Variants in CNTN5 observed in about 807,000 individuals in gnomAD.
CNTN5 encodes the protein contactin 5, also known as contactin-5.
CNTN5 carries 77 observed loss-of-function variants against 129.1 expected under a neutral mutation model. The observed-to-expected ratio is 0.60, with a 90% confidence interval of 0.50 to 0.72. CNTN5 has a LOEUF of 0.72. Among genes scored for constraint, CNTN5 ranks in the 30% least tolerant of loss-of-function variants. CNTN5 has a pLI of 0.00. For missense variants in CNTN5, 1,478 were observed against 1,328.8 expected (o/e 1.11, Z -1.75); for synonymous variants, 509 against 465.6 (o/e 1.09, Z -1.20).
chr11:99,844,296 T>C (rs1487616810), intron 4 of CNTN5, among the ~76,000 whole-genome samples: 1 of 152,182 alleles, frequency 6.6e-6, no homozygotes, highest in Non-Finnish European at 1.5e-5. Context: ...GCATGTCTTA[T>C]TTATTCCATG....
At chr11:99,118,060 G>A (rs1301501665) in intron 1 of CNTN5, among the ~76,000 whole-genome samples, 1 of 151,608 alleles carries the variant, frequency 6.6e-6, no homozygotes, top group East Asian at 1.9e-4. Context: ...ATTTATTTTA[G>A]GAAATATATA....
intron 3 of CNTN5, among the ~76,000 whole-genome samples, chr11:99,777,119 A>G (rs117745002): frequency 0.036 from 5,442 of 152,042 alleles, 149 homozygotes; most frequent in South Asian, 0.099. Flanking sequence ...AAAGAAATTA[A>G]GTTGAACAGA....
intron 3 of CNTN5, among the ~76,000 whole-genome samples, chr11:99,602,711 G>T (rs1187623029): frequency 6.6e-6 from 1 of 151,462 alleles, no homozygotes; most frequent in Non-Finnish European, 1.5e-5. Context: ...TGACAGCTTT[G>T]AAGAGAGCAG....
Position 99,183,521 on chromosome 11 carries a change from C to T in CNTN5, c.-209-141825C>T, listed in dbSNP as rs150680562. Among the ~76,000 whole-genome samples, 416 of 152,122 alleles carry T rather than the reference C, an allele frequency of 2.7e-3. 11 individuals carry two copies. In the South Asian group the frequency reaches 0.054, roughly 20 times the overall value. On this transcript the variant is annotated intron_variant, in intron 1 of 24. Transcript: ENST00000524871. ...CACTCCTCTCCTCTTAAAATTATCTCCTTTCTTAGTTTCATGGTATTTGTT... is the reference window on the plus strand; with the variant it reads ...CACTCCTCTCCTCTTAAAATTATCTTCTTTCTTAGTTTCATGGTATTTGTT...
chr11:100,203,799 T>TACACACACACACACAC (rs59141425), intron 15 of CNTN5, among the ~76,000 whole-genome samples: 1,920 of 139,148 alleles, frequency 0.014, 53 homozygotes, highest in African/African-American at 0.034. Flanking sequence ...AATGTGCACG[T>TACACACACACACACAC]ACACACACAC....
chr11:99,156,378 G>A (rs549957884), intron 1 of CNTN5, among the ~76,000 whole-genome samples: 1 of 152,094 alleles, frequency 6.6e-6, no homozygotes, highest in Admixed American at 6.5e-5. Flanking sequence ...TATCATCGAA[G>A]TAGCCAAAGT....
chr11:99,294,046 C>T (rs1309084404), intron 1 of CNTN5, among the ~76,000 whole-genome samples: 2 of 151,770 alleles, frequency 1.3e-5, no homozygotes, highest in Non-Finnish European at 2.9e-5. Context: ...TAAGCATTTA[C>T]TGCTATAAAC....
intron 1 of CNTN5, among the ~76,000 whole-genome samples, chr11:99,293,022 T>A (rs1463177075): frequency 3.9e-5 from 6 of 152,186 alleles, no homozygotes; most frequent in African/African-American, 1.4e-4. Context: ...CATAGTGGCA[T>A]AAACAAGGGT....
intron 1 of CNTN5, among the ~76,000 whole-genome samples, chr11:99,100,578 GC>G (rs1322500426): frequency 2.0e-5 from 3 of 152,044 alleles, no homozygotes; most frequent in African/African-American, 7.2e-5. Context: ...AATCTATTAA[GC>G]TTTAACAAGG....
intron 1 of CNTN5, among the ~76,000 whole-genome samples, chr11:99,177,970 C>T (rs1030059701): frequency 6.6e-6 from 1 of 151,724 alleles, no homozygotes; most frequent in Non-Finnish European, 1.5e-5. Context: ...GAAAACAGGA[C>T]AAGATCTTAA....
chr11:99,906,186 G>A (rs1373584659), intron 6 of CNTN5, among the ~76,000 whole-genome samples: 2 of 152,132 alleles, frequency 1.3e-5, no homozygotes, highest in Admixed American at 6.5e-5. Context: ...AATAGGAGTG[G>A]TGAGAGAGGG....
chr11:99,887,128 T>A (rs1272845131), intron 6 of CNTN5, among the ~76,000 whole-genome samples: 2 of 152,180 alleles, frequency 1.3e-5, no homozygotes, highest in Non-Finnish European at 2.9e-5. Flanking sequence ...GGTTAAAACA[T>A]TAAATATTTT....
chr11:100,042,270 G>T (rs1225886398), intron 9 of CNTN5, among the ~76,000 whole-genome samples: 3 of 150,092 alleles, frequency 2.0e-5, no homozygotes, highest in African/African-American at 7.4e-5. Flanking sequence ...GAAAAAAAAA[G>T]CCTTTGTCTC....
chr11:100,297,706 C>T lies in CNTN5; in HGVS notation c.2385+11C>T. 6.4e-7 allele frequency: 1 copy of T among 1,568,062 alleles called. No individual in the cohort carries two copies. The highest frequency in any genetic ancestry group is 1.2e-5 in the South Asian group (1 of 86,812). ...GTCATTGCCTGGGAGGTAAGAAAAA[C>T]ACATCCTCTCACAAATTACTCCACG... On this transcript the variant is annotated intron_variant, in intron 19 of 24. Transcript: ENST00000524871.
intron 13 of CNTN5, among the ~76,000 whole-genome samples, chr11:100,188,834 C>T (rs1483792640): frequency 6.6e-6 from 1 of 152,102 alleles, no homozygotes; most frequent in Non-Finnish European, 1.5e-5. Context: ...AACCTATGTG[C>T]CCATCAATGG....
intron 6 of CNTN5, among the ~76,000 whole-genome samples, chr11:99,904,332 C>T (rs1391593172): frequency 2.0e-5 from 3 of 152,040 alleles, no homozygotes; most frequent in Middle Eastern, 3.2e-3. Flanking sequence ...TGATGTTCCC[C>T]TCCCCGTGTC....
At chr11:99,390,945 T>C (rs1697634481) in intron 2 of CNTN5, among the ~76,000 whole-genome samples, 1 of 152,084 alleles carries the variant, frequency 6.6e-6, no homozygotes, top group South Asian at 2.1e-4. Context: ...ATGTTTTTAT[T>C]ATAGTTTCTT....
Position 99,757,143 on chromosome 11 carries a change from G to C in CNTN5, c.56-62401G>C, listed in dbSNP as rs187423831. Among the ~76,000 whole-genome samples, 5 of 152,030 alleles carry C rather than the reference G, an allele frequency of 3.3e-5. No individual in the cohort carries two copies. The East Asian group carries it at 9.7e-4, about 29-fold the overall frequency. On this transcript the variant is annotated intron_variant, in intron 3 of 24. Transcript: ENST00000524871. ...CACTAGGGCAAAATGTGATCCATTC[G>C]TTTCTCTTAGCTTCTGGTATTGTCA...
chr11:99,117,170 G>GA (rs1308599057), intron 1 of CNTN5, among the ~76,000 whole-genome samples: 3 of 151,974 alleles, frequency 2.0e-5, no homozygotes, highest in Non-Finnish European at 4.4e-5. Context: ...GCTGTTGGAG[G>GA]AAAAAAATGG....
Sources: gnomAD v4.1 joint callset for allele counts (sites outside exome capture counted in the v4.1 genomes callset) on GRCh38, gnomAD v4.1.1 for gene constraint, MANE v1.5 for transcripts, NCBI Gene and HGNC (gene_info 2026-07-23, HGNC 2026-07-21) for gene names.